Variants in NETO1 observed in about 807,000 individuals in gnomAD.
The protein encoded by NETO1 is neuropilin and tolloid like 1.
NETO1 carries 26 observed loss-of-function variants against 61.3 expected under a neutral mutation model. That is an observed-to-expected ratio of 0.42 (90% CI 0.31 to 0.59). NETO1 has a LOEUF of 0.59. Ranked by LOEUF, NETO1 falls within the 20% of genes least tolerant of loss-of-function variation. The pLI, the probability that NETO1 is intolerant of heterozygous loss-of-function variation, is 0.12. For missense variants in NETO1, 531 were observed against 662.8 expected, an observed-to-expected ratio of 0.80 and a Z score of 2.18; for synonymous variants, 225 against 225.8, an observed-to-expected ratio of 1.00 and a Z score of 0.03.
chr18:72,844,109 T>C (rs2074014347), intron 4 of NETO1, among the ~76,000 whole-genome samples: 1 of 152,156 alleles, frequency 6.6e-6, no homozygotes, highest in South Asian at 2.1e-4. Flanking sequence ...AAACAGAACA[T>C]TCTTTTATTT....
At chr18:72,783,418 T>A (rs899653557) in intron 7 of NETO1, among the ~76,000 whole-genome samples, 3 of 152,356 alleles carry the variant, frequency 2.0e-5, no homozygotes, top group Middle Eastern at 6.8e-3. Flanking sequence ...CAGATGAAAT[T>A]CATCATTTCC....
intron 4 of NETO1, among the ~76,000 whole-genome samples, chr18:72,841,425 G>GAT (rs1282188044): frequency 3.4e-5 from 4 of 116,482 alleles, no homozygotes; most frequent in Non-Finnish European, 7.5e-5. Context: ...AATTGGCAGA[G>GAT]AAATCAAGCT....
intron 4 of NETO1, among the ~76,000 whole-genome samples, chr18:72,822,083 C>G (rs1235976007): frequency 3.9e-5 from 6 of 152,098 alleles, no homozygotes; most frequent in Non-Finnish European, 8.8e-5. Context: ...GCCTGGGACT[C>G]GAGATAACCA....
intron 7 of NETO1, among the ~76,000 whole-genome samples, chr18:72,772,825 C>CTATATATATATATA (rs59339805): frequency 4.9e-5 from 2 of 40,860 alleles, no homozygotes; most frequent in Non-Finnish European, 8.7e-5. Flanking sequence ...CTCTCTCTCT[C>CTATATATATATATA]TATATATATA....
At chr18:72,786,010 G>A (rs1234789703) in intron 6 of NETO1, among the ~76,000 whole-genome samples, 1 of 152,166 alleles carries the variant, frequency 6.6e-6, no homozygotes, top group African/African-American at 2.4e-5. Context: ...AGCTGAATCA[G>A]TGGTATATAT....
intron 4 of NETO1, among the ~76,000 whole-genome samples, chr18:72,811,040 C>T (rs1355537687): frequency 6.6e-6 from 1 of 152,174 alleles, no homozygotes; most frequent in Non-Finnish European, 1.5e-5. Flanking sequence ...CAAGAGCTTG[C>T]AATTATTCTT....
chr18:72,791,870 T>C (rs1160625871), intron 6 of NETO1, among the ~76,000 whole-genome samples: 1 of 152,116 alleles, frequency 6.6e-6, no homozygotes, highest in Non-Finnish European at 1.5e-5. Context: ...GTAATACAGG[T>C]AGTGGGTTTT....
At chr18:72,865,677 CT>C in intron 1 of NETO1, 1 of 1,562,706 alleles carries the variant, frequency 6.4e-7, no homozygotes, top group East Asian at 2.3e-5. Flanking sequence ...ATGACTGTTC[CT>C]GACATACTGC....
downstream of NETO1, among the ~76,000 whole-genome samples, chr18:72,743,559 A>G (rs1214357064): frequency 1.3e-5 from 2 of 152,120 alleles, no homozygotes; most frequent in Admixed American, 1.3e-4. Context: ...GTTGGGCTTA[A>G]TTTTCCTTAT....
Position 72,750,312 on chromosome 18 carries a change from G to T in NETO1, c.1291C>A (p.His431Asn), listed in dbSNP as rs747917985. The T allele has an allele frequency of 5.0e-6, 8 of 1,613,888 alleles. No individual in the cohort carries two copies. Among genetic ancestry groups the T allele is most frequent in the Non-Finnish European group, 6.8e-6 (8 of 1,179,990 alleles). ...RRSSSKCIHDHHCGSQLSSTK... is the reference protein window; with the variant it reads ...RRSSSKCIHDNHCGSQLSSTK... ...CTGGACAGCTGTGATCCACAGTGAT[G>T]GTCATGAATGCATTTGGAAGATGAC... The change falls in exon 9 of 11, where the codon CAT becomes AAT. Residue 431 changes from histidine to asparagine, a missense_variant. Coordinates refer to ENST00000327305, the MANE Select transcript of NETO1 (RefSeq NM_138966.5).
chr18:72,783,915 C>G lies in NETO1; in HGVS notation c.640-9G>C, dbSNP rs771241640. The G allele has an allele frequency of 3.8e-6, 6 of 1,585,476 alleles. No individual in the cohort carries two copies. The highest frequency in any genetic ancestry group is 5.2e-6 in the Non-Finnish European group (6 of 1,155,144). ...AAGAATCGTAAGTAAATCTATAAAA[C>G]AAAAATAAAATAATTTCCACATATC... On this transcript the variant is annotated splice_polypyrimidine_tract_variant and intron_variant, in intron 6 of 10. Transcript: ENST00000327305.
chr18:72,842,397 T>C (rs1218528905), intron 4 of NETO1, among the ~76,000 whole-genome samples: 3 of 152,178 alleles, frequency 2.0e-5, no homozygotes, highest in Non-Finnish European at 4.4e-5. Context: ...ATATTGATTA[T>C]TATTTTTGAT....
rs565895001 is a variant in NETO1 at position 72,792,183 on chromosome 18, G to GC, written c.639+1933dup. On this transcript the variant is annotated intron_variant, in intron 6 of 10. Transcript: ENST00000327305. Reference sequence around the variant, plus strand: ...GTGGTGATTCATGCCTATAATCCTAGCACTTTGGGAGGCCGATGTGGGCAG... The same window carrying GC: ...GTGGTGATTCATGCCTATAATCCTAGCCACTTTGGGAGGCCGATGTGGGCAG... Among the ~76,000 whole-genome samples the GC allele has an allele frequency of 2.0e-4, 31 of 152,246 alleles. No individual in the cohort carries two copies. The South Asian group carries it at 6.4e-3, about 32-fold the overall frequency.
At chr18:72,820,773 G>C (rs1160257525) in intron 4 of NETO1, among the ~76,000 whole-genome samples, 1 of 152,180 alleles carries the variant, frequency 6.6e-6, no homozygotes, top group Admixed American at 6.5e-5. Context: ...GCTTGAGCAA[G>C]GATATGGGTC....
At chr18:72,835,661 T>C (rs1381291787) in intron 4 of NETO1, among the ~76,000 whole-genome samples, 5 of 152,218 alleles carry the variant, frequency 3.3e-5, no homozygotes. Flanking sequence ...ACTCCAAATA[T>C]AAATGCAGAA....
intron 4 of NETO1, among the ~76,000 whole-genome samples, chr18:72,845,503 A>G (rs2074055844): frequency 6.6e-6 from 1 of 152,176 alleles, no homozygotes. Context: ...TTATACAAAT[A>G]TGAAAAACTG....
intron 6 of NETO1, among the ~76,000 whole-genome samples, chr18:72,784,594 T>C (rs1046230832): frequency 3.3e-5 from 5 of 152,238 alleles, no homozygotes; most frequent in African/African-American, 1.2e-4. Flanking sequence ...GCCCATTTTA[T>C]TGTCATATTC....
chr18:72,804,963 CA>C (rs2072627182), intron 4 of NETO1, among the ~76,000 whole-genome samples: 1 of 152,170 alleles, frequency 6.6e-6, no homozygotes. Context: ...AGTTACCTAA[CA>C]ATCTCTATTA....
rs974757689 is a variant in NETO1 at position 72,743,886 on chromosome 18, C to T, written c.*4293G>A. 3.9e-5 allele frequency: 6 copies of T among 152,224 alleles called. No individual in the cohort carries two copies. Among genetic ancestry groups the T allele is most frequent in the African/African-American group, 1.4e-4 (6 of 41,534 alleles). The allele number at this position is 152,224 out of a possible 1,614,324, so 9.4% of individuals were successfully genotyped here. On this transcript the variant is annotated 3_prime_UTR_variant, in exon 11 of 11. Transcript: ENST00000327305. ...AAACAATTTTTCAAAGAGCAAACCA[C>T]TATAAAATAGCATGCCTCAGAGGTT...
Sources: allele counts gnomAD v4.1 joint callset (sites outside exome capture counted in the v4.1 genomes callset), GRCh38; gene constraint gnomAD v4.1.1; transcripts MANE v1.5; gene names NCBI Gene and HGNC (gene_info 2026-07-23, HGNC 2026-07-21).